CPLX2: variants seen among roughly 807,000 people sequenced by gnomAD.
CPLX2 encodes complexin 2.
A neutral mutation model predicts 16.3 loss-of-function variants in CPLX2; 5 were observed. That is an observed-to-expected ratio of 0.31 (90% CI 0.16 to 0.64). The LOEUF is 0.64. CPLX2 is among the 30% of genes least tolerant of loss of function. The probability of loss-of-function intolerance (pLI) is 0.79; values close to 1 mark genes in which losing one functional copy is unlikely to be tolerated. For missense variants in CPLX2, 144 were observed against 181.4 expected (o/e 0.79, Z 1.18); for synonymous variants, 89 against 73.2 (o/e 1.22, Z -1.10).
At chr5:175,812,613 C>A (rs1255948703) in intron 2 of CPLX2, among the ~76,000 whole-genome samples, 2 of 152,094 alleles carry the variant, frequency 1.3e-5, no homozygotes, top group East Asian at 3.9e-4. Context: ...ATAAGATAGA[C>A]CCAGAAGCTG....
At chr5:175,802,745 G>A (rs981318286) in intron 1 of CPLX2, among the ~76,000 whole-genome samples, 4 of 152,208 alleles carry the variant, frequency 2.6e-5, no homozygotes, top group East Asian at 1.9e-4. Flanking sequence ...GGGTAATACC[G>A]CCAGGGCCCA....
At position 175,883,707 on chromosome 5, in the gene CPLX2, C is replaced by T. The variant is rs1417439636; in HGVS notation, c.*3662C>T. On this transcript the variant is annotated 3_prime_UTR_variant, in exon 4 of 4. Coordinates refer to ENST00000393745, the MANE Select transcript of CPLX2 (RefSeq NM_001008220.2). ...TCCCCTGCTCCAGTCCCACTCCTGT[C>T]ACCCCACGCTCTGCACTGGGGAGAA... is the stretch of plus-strand genomic sequence containing the variant. 2 of 152,552 alleles carry T rather than the reference C, an allele frequency of 1.3e-5. No homozygotes were observed. The highest frequency in any genetic ancestry group is 2.9e-5 in the Non-Finnish European group (2 of 68,170). 9.4% of individuals were successfully genotyped at this position (152,552 alleles called of 1,614,324 possible).
At chr5:175,850,770 G>A (rs1581091496) in intron 2 of CPLX2, among the ~76,000 whole-genome samples, 1 of 152,082 alleles carries the variant, frequency 6.6e-6, no homozygotes, top group Non-Finnish European at 1.5e-5. Context: ...CCATAGAAAG[G>A]GGTGAATTGC....
Position 175,860,585 on chromosome 5 carries a change from GGGAAGGAAGGAAGGAA to G in CPLX2, c.-88-18024_-88-18009del, listed in dbSNP as rs70988302. 2.0e-3 allele frequency among the ~76,000 whole-genome samples: 187 copies of G among 95,682 alleles called. 4 individuals are homozygous for G. The East Asian group carries it at 0.047, about 24-fold the overall frequency. The allele number at this position is 95,682 out of a possible 152,430, so 62.8% of individuals were successfully genotyped here. ...GAAAAAGAAGGGAGGGAGGGAGGGA[GGGAAGGAAGGAAGGAA>G]GGAAGGAAGGAAGGAAGGAAGGAAG... On this transcript the variant is annotated intron_variant, in intron 2 of 4. Transcript: ENST00000359546.
chr5:175,827,723 G>A (rs550526410), intron 2 of CPLX2, among the ~76,000 whole-genome samples: 1 of 152,308 alleles, frequency 6.6e-6, no homozygotes, highest in Admixed American at 6.5e-5. Flanking sequence ...TCACGCCACT[G>A]CACTCCAGCC....
intron 2 of CPLX2, among the ~76,000 whole-genome samples, chr5:175,817,264 T>C (rs542858822): frequency 6.6e-6 from 1 of 152,344 alleles, no homozygotes; most frequent in East Asian, 1.9e-4. Flanking sequence ...ATTCCAGTTC[T>C]TTCCTAGTAA....
At chr5:175,827,635 C>A (rs1446946909) in intron 2 of CPLX2, among the ~76,000 whole-genome samples, 2 of 152,172 alleles carry the variant, frequency 1.3e-5, no homozygotes, top group Admixed American at 1.3e-4. Flanking sequence ...GTGCCGAGCA[C>A]CTGTAATCCA....
rs892769171 is a variant in CPLX2 at position 175,809,705 on chromosome 5, A to C, written c.-89+637A>C. Among the ~76,000 whole-genome samples the C allele has an allele frequency of 9.2e-5, 14 of 152,002 alleles. No homozygotes were observed. In the East Asian group the frequency reaches 2.7e-3, roughly 30 times the overall value. On this transcript the variant is annotated intron_variant, in intron 2 of 4. Coordinates refer to the CPLX2 transcript ENST00000359546. The surrounding 1 kb of genome is among the most constrained non-coding windows in gnomAD (Gnocchi z 4.4). ...CAGCTCCTCTTCCAGGTGGCCGGCC[A>C]AGCTCGGATCACACCCGGCATCCCT...
At chr5:175,864,583 C>T (rs975461197) in intron 2 of CPLX2, among the ~76,000 whole-genome samples, 3 of 152,154 alleles carry the variant, frequency 2.0e-5, no homozygotes, top group Non-Finnish European at 2.9e-5. Flanking sequence ...TGAACTGGTC[C>T]GTGTGTTAGC....
intron 1 of CPLX2, among the ~76,000 whole-genome samples, chr5:175,800,151 C>T (rs1758067175): frequency 6.6e-6 from 1 of 152,046 alleles, no homozygotes; most frequent in African/African-American, 2.4e-5. Flanking sequence ...AACATAAATT[C>T]TCCCCATTAC....
At chr5:175,860,833 T>C (rs1759359865) in intron 2 of CPLX2, among the ~76,000 whole-genome samples, 1 of 151,818 alleles carries the variant, frequency 6.6e-6, no homozygotes, top group Admixed American at 6.6e-5. Context: ...CCACAAAGAC[T>C]GAGGGTGGAA....
At chr5:175,852,875 C>T (rs1759184089) in intron 2 of CPLX2, among the ~76,000 whole-genome samples, 2 of 152,142 alleles carry the variant, frequency 1.3e-5, no homozygotes, top group South Asian at 4.1e-4. Flanking sequence ...GTAGGTGGTT[C>T]TGTGGGTACC....
At chr5:175,869,443 G>C (rs1162416535), upstream of CPLX2, among the ~76,000 whole-genome samples, 1 of 151,794 alleles carries the variant, frequency 6.6e-6, no homozygotes, top group Non-Finnish European at 1.5e-5. Flanking sequence ...CTCCTATGGA[G>C]AGCCAGTTCT....
intron 2 of CPLX2, among the ~76,000 whole-genome samples, chr5:175,816,647 A>G (rs901185288): frequency 3.3e-5 from 5 of 152,234 alleles, no homozygotes; most frequent in Admixed American, 6.5e-5. Context: ...CCAGGGGTCC[A>G]AAAGGAGGAC....
At chr5:175,866,473 A>T (rs1759479305) in intron 2 of CPLX2, among the ~76,000 whole-genome samples, 1 of 152,114 alleles carries the variant, frequency 6.6e-6, no homozygotes, top group Non-Finnish European at 1.5e-5. Flanking sequence ...TGAAAATGCA[A>T]GGTTTCAGGA....
chr5:175,819,190 G>C lies in CPLX2; in HGVS notation c.-89+10122G>C, dbSNP rs1358393166. 2.0e-5 allele frequency among the ~76,000 whole-genome samples: 3 copies of C among 152,156 alleles called. No homozygotes were observed. The East Asian group carries it at 5.8e-4, about 29-fold the overall frequency. On this transcript the variant is annotated intron_variant, in intron 2 of 4. Transcript: ENST00000359546. ...TTTCAGCTTTAGACTCTTGGGAGAA[G>C]CGCTGCCATGAAGATTCTTGCACGT...
At chr5:175,797,998 C>A (rs192956990) in intron 1 of CPLX2, among the ~76,000 whole-genome samples, 1 of 152,264 alleles carries the variant, frequency 6.6e-6, no homozygotes, top group Non-Finnish European at 1.5e-5. Context: ...GAAGACAAGG[C>A]CTAGGGGGCA....
chr5:175,853,041 G>A (rs1029053719), intron 2 of CPLX2, among the ~76,000 whole-genome samples: 7 of 152,218 alleles, frequency 4.6e-5, no homozygotes, highest in Non-Finnish European at 7.3e-5. Flanking sequence ...GCCCAACAGC[G>A]TGGGGCAAGA....
rs143671159 is a variant in CPLX2, at chr5:175,823,325, C to A, written c.-89+14257C>A. 1.2e-3 allele frequency among the ~76,000 whole-genome samples: 184 copies of A among 152,086 alleles called. 1 individual carries two copies. The highest frequency in any genetic ancestry group is 4.2e-3 in the African/African-American group (174 of 41,492). ...GATGAGTGGTGAGATGGATGGAAAA[C>A]AGACAGCTGGATGGGTGAATGCATG... On this transcript the variant is annotated intron_variant, in intron 2 of 4. Coordinates refer to the CPLX2 transcript ENST00000359546.
Sources: gnomAD v4.1 joint callset for allele counts (sites outside exome capture counted in the v4.1 genomes callset) on GRCh38, gnomAD v4.1.1 for gene constraint, Gnocchi (gnomAD v3.1) non-coding constraint, MANE v1.5 for transcripts, NCBI Gene and HGNC (gene_info 2026-07-23, HGNC 2026-07-21) for gene names.